The following ZNF33A variants were observed in gnomAD, a reference collection of about 807,000 sequenced individuals.
ZNF33A encodes zinc finger protein 33A, also known as brain my041 protein.
In ZNF33A, 9 loss-of-function variants were observed where a neutral mutation model predicts 15.9. The observed-to-expected ratio is 0.57, with a 90% confidence interval of 0.34 to 0.99. The LOEUF (loss-of-function observed/expected upper bound fraction) is 0.99, where lower values mean the gene tolerates loss of function less well. Ranked by LOEUF, ZNF33A falls within the 50% of genes least tolerant of loss-of-function variation. The pLI, the probability that ZNF33A is intolerant of heterozygous loss-of-function variation, is 0.02. For missense variants in ZNF33A, 843 were observed against 941.6 expected, an observed-to-expected ratio of 0.90 and a Z score of 1.37; for synonymous variants, 294 against 324.2, an observed-to-expected ratio of 0.91 and a Z score of 1.00.
chr10:38,027,105 T>C (rs560082403), intron 4 of ZNF33A, among the ~76,000 whole-genome samples: 5 of 152,346 alleles, frequency 3.3e-5, no homozygotes, highest in East Asian at 3.9e-4. Flanking sequence ...CCACACTGTT[T>C]GGATTACTGT....
At chr10:38,032,071 C>T (rs957438170) in intron 4 of ZNF33A, among the ~76,000 whole-genome samples, 32 of 152,084 alleles carry the variant, frequency 2.1e-4, no homozygotes, top group Middle Eastern at 3.2e-3. Context: ...TCTCTTGTAT[C>T]GCCAGTTTTA....
Position 38,056,907 on chromosome 10 carries a change from G to A in ZNF33A, c.*347G>A. 1.0e-6 allele frequency: 1 copy of A among 977,012 alleles called. No individual in the cohort carries two copies. The highest frequency in any genetic ancestry group is 1.2e-6 in the Non-Finnish European group (1 of 815,992). The allele number at this position is 977,012 out of a possible 1,614,324, so 60.5% of individuals were successfully genotyped here. Reference sequence around the variant, plus strand: ...AATTTATAGATGTATATTGTGGAATGTAAAGCTTTAAGAACTTAAACAAAG... The same window carrying A: ...AATTTATAGATGTATATTGTGGAATATAAAGCTTTAAGAACTTAAACAAAG... On this transcript the variant is annotated 3_prime_UTR_variant, in exon 5 of 5. Coordinates refer to ENST00000432900, the MANE Select transcript of ZNF33A (RefSeq NM_006954.2).
At chr10:38,023,134 C>T (rs1230082096) in intron 4 of ZNF33A, among the ~76,000 whole-genome samples, 1 of 152,150 alleles carries the variant, frequency 6.6e-6, no homozygotes, top group African/African-American at 2.4e-5. Flanking sequence ...TTAGTAGAGA[C>T]GGGGTTTCAC....
intron 4 of ZNF33A, among the ~76,000 whole-genome samples, chr10:38,047,190 C>CAAAAAAAAA (rs61278605): frequency 1.1e-4 from 7 of 64,048 alleles, no homozygotes; most frequent in Non-Finnish European, 1.8e-4. Context: ...CCACCCCTGC[C>CAAAAAAAAA]AAAAAAAAAA....
intron 2 of ZNF33A, among the ~76,000 whole-genome samples, chr10:38,014,228 CAG>C (rs758480564): frequency 2.0e-5 from 3 of 151,830 alleles, no homozygotes; most frequent in African/African-American, 4.8e-5. Context: ...TTAGTAGAGA[CAG>C]GGTTTTACTT....
downstream of ZNF33A, among the ~76,000 whole-genome samples, chr10:38,066,272 TTTA>T (rs1278978902): frequency 1.3e-5 from 2 of 152,028 alleles, no homozygotes; most frequent in African/African-American, 2.4e-5. Context: ...GAAGGGTTTT[TTTA>T]TTATTTATTT....
chr10:38,013,274 C>A (rs1274973090), intron 2 of ZNF33A, among the ~76,000 whole-genome samples: 1 of 151,954 alleles, frequency 6.6e-6, no homozygotes, highest in Non-Finnish European at 1.5e-5. Flanking sequence ...CCACACCTGG[C>A]TAATTTTTGT....
chr10:38,025,122 C>T (rs1298233603), intron 4 of ZNF33A, among the ~76,000 whole-genome samples: 1 of 152,248 alleles, frequency 6.6e-6, no homozygotes, highest in East Asian at 1.9e-4. Context: ...TTATAGGGCT[C>T]AATACTATCT....
At chr10:38,054,340 A>G in intron 4 of ZNF33A, 35 bp from the exon 5 acceptor site, 1 of 1,492,924 alleles carries the variant, frequency 6.7e-7, no homozygotes. Context: ...ATGTTTTGGT[A>G]TTTATGTGGT....
upstream of ZNF33A, chr10:38,010,544 G>A (rs959212343): frequency 1.4e-6 from 1 of 736,110 alleles, no homozygotes. Context: ...CTGCCTAGCG[G>A]GGCACTTCTC....
chr10:38,015,191 A>G (rs1343955993), intron 2 of ZNF33A, among the ~76,000 whole-genome samples: 1 of 151,956 alleles, frequency 6.6e-6, no homozygotes, highest in Non-Finnish European at 1.5e-5. Context: ...TCCATTCTTG[A>G]TTATTTTCTT....
downstream of ZNF33A, among the ~76,000 whole-genome samples, chr10:38,062,759 T>A (rs1349198144): frequency 6.6e-6 from 1 of 151,716 alleles, no homozygotes; most frequent in Admixed American, 6.6e-5. Flanking sequence ...ATCCCAGCAC[T>A]CTGGGAGGCC....
downstream of ZNF33A, chr10:38,064,159 C>T (rs751691596): frequency 5.7e-6 from 9 of 1,574,820 alleles, no homozygotes; most frequent in Non-Finnish European, 7.7e-6. Flanking sequence ...CACTGCCTGC[C>T]ACACCAGGAC....
chr10:38,055,084 G>C lies in ZNF33A; in HGVS notation c.960G>C (p.Gln320His), dbSNP rs1301093029. ...FRRKLCLSHLQKGDKGEKHFE... is the reference protein window; with the variant it reads ...FRRKLCLSHLHKGDKGEKHFE... ...GGAAATTGTGTCTGTCACACCTTCA[G>C]AAAGGTGATAAAGGAGAGAAACACT... Residue 320 changes from glutamine to histidine, a missense_variant, in exon 5 of 5, where the codon CAG becomes CAC. Transcript: ENST00000432900. The C allele has an allele frequency of 3.1e-6, 5 of 1,614,158 alleles. No homozygotes were observed. Among genetic ancestry groups the C allele is most frequent in the Non-Finnish European group, 4.2e-6 (5 of 1,179,990 alleles).
At chr10:38,020,404 C>G (rs2064682714) in intron 4 of ZNF33A, among the ~76,000 whole-genome samples, 1 of 152,082 alleles carries the variant, frequency 6.6e-6, no homozygotes, top group Non-Finnish European at 1.5e-5. Context: ...TTAAATTTGA[C>G]TATAGTGACC....
downstream of ZNF33A, among the ~76,000 whole-genome samples, chr10:38,063,531 T>G (rs2066680313): frequency 1.3e-5 from 2 of 152,242 alleles, no homozygotes; most frequent in South Asian, 4.1e-4. Flanking sequence ...TTCATGGAGT[T>G]GTTTTGCATT....
chr10:38,014,039 T>TTA, intron 2 of ZNF33A, among the ~76,000 whole-genome samples: 1 of 89,626 alleles, frequency 1.1e-5, no homozygotes, highest in African/African-American at 3.9e-5. Flanking sequence ...TGTCTGATTT[T>TTA]TTTTTTTTTT....
intron 2 of ZNF33A, chr10:38,015,994 A>C: frequency 1.6e-6 from 2 of 1,231,550 alleles, no homozygotes; most frequent in Non-Finnish European, 2.0e-6. Context: ...TGTGCCCTAG[A>C]GGATATCCAG....
chr10:38,019,781 G>T (rs914151931), intron 4 of ZNF33A, among the ~76,000 whole-genome samples: 1 of 152,188 alleles, frequency 6.6e-6, no homozygotes, highest in African/African-American at 2.4e-5. Context: ...TGGAATGCAG[G>T]CAAGAAAGAA....
Sources: allele counts gnomAD v4.1 joint callset (sites outside exome capture counted in the v4.1 genomes callset), GRCh38; gene constraint gnomAD v4.1.1; transcripts MANE v1.5; gene names NCBI Gene and HGNC (gene_info 2026-07-23, HGNC 2026-07-21).